Variants in SEL1L3 observed in about 807,000 individuals in gnomAD.
The protein encoded by SEL1L3 is SEL1L family member 3.
Under a neutral mutation model 142.8 loss-of-function variants are expected in SEL1L3, and 76 were observed. The ratio of observed to expected loss-of-function variants is 0.53; its 90% CI spans 0.44 to 0.64. The LOEUF is 0.64. Ranked by LOEUF, SEL1L3 falls within the 30% of genes least tolerant of loss-of-function variation. The pLI, the probability that SEL1L3 is intolerant of heterozygous loss-of-function variation, is 0.00. For missense variants in SEL1L3, 1,262 were observed against 1,381.7 expected (o/e 0.91, Z 1.37); for synonymous variants, 504 against 519.6 (o/e 0.97, Z 0.41).
At chr4:25,777,099 C>A (rs377548901) in intron 16 of SEL1L3, among the ~76,000 whole-genome samples, 6 of 151,566 alleles carry the variant, frequency 4.0e-5, no homozygotes, top group African/African-American at 1.5e-4. Flanking sequence ...CTTACAAGAG[C>A]CATGCATTGA....
chr4:25,843,687 C>T (rs796903852), intron 2 of SEL1L3, among the ~76,000 whole-genome samples: 32 of 152,364 alleles, frequency 2.1e-4, no homozygotes, highest in African/African-American at 5.8e-4. Flanking sequence ...AGCAGTAACA[C>T]GTGCACCGGG....
intron 23 of SEL1L3, among the ~76,000 whole-genome samples, chr4:25,754,226 C>T (rs941900761): frequency 4.6e-5 from 7 of 151,564 alleles, no homozygotes; most frequent in African/African-American, 1.7e-4. Context: ...CACTTGAACC[C>T]AGGAGGTGGA....
chr4:25,758,363 T>C (rs967223742), intron 21 of SEL1L3, among the ~76,000 whole-genome samples: 17 of 152,024 alleles, frequency 1.1e-4, no homozygotes, highest in African/African-American at 4.1e-4. Flanking sequence ...CCCAGCTACT[T>C]AGGAGGCTGA....
At chr4:25,828,396 T>A (rs1377794449) in intron 6 of SEL1L3, among the ~76,000 whole-genome samples, 1 of 151,540 alleles carries the variant, frequency 6.6e-6, no homozygotes, top group Non-Finnish European at 1.5e-5. Context: ...TTTCGTTTTT[T>A]TTTTTTTGTT....
intron 11 of SEL1L3, among the ~76,000 whole-genome samples, chr4:25,798,224 T>TTTG (rs1039108281): frequency 2.0e-5 from 3 of 152,012 alleles, no homozygotes; most frequent in Admixed American, 6.6e-5. Context: ...AGGACTGTAT[T>TTTG]TTGTTGTTGT....
At chr4:25,807,641 A>T (rs4692015) in intron 9 of SEL1L3, among the ~76,000 whole-genome samples, 1,918 of 152,260 alleles carry the variant, frequency 0.013, 47 homozygotes, top group Admixed American at 0.052. Flanking sequence ...GAATTTTGCC[A>T]GAGTACCCGT....
the SEL1L3 span, among the ~76,000 whole-genome samples, chr4:25,741,620 A>G: frequency 6.6e-6 from 1 of 152,006 alleles, no homozygotes; most frequent in East Asian, 1.9e-4. Context: ...CACATTCTAG[A>G]TGTTGATACT....
intron 1 of SEL1L3, among the ~76,000 whole-genome samples, chr4:25,851,681 G>A (rs1716909060): frequency 6.6e-6 from 1 of 152,106 alleles, no homozygotes; most frequent in Non-Finnish European, 1.5e-5. Context: ...ACGAAGTCAA[G>A]AGATCGAGAC....
chr4:25,838,264 CA>C (rs1303642860), intron 2 of SEL1L3, among the ~76,000 whole-genome samples: 1 of 152,108 alleles, frequency 6.6e-6, no homozygotes, highest in Non-Finnish European at 1.5e-5. Context: ...AACAAACAAA[CA>C]AACAAAGACA....
chr4:25,766,788 T>C (rs79084076), intron 19 of SEL1L3, among the ~76,000 whole-genome samples: 10 of 152,274 alleles, frequency 6.6e-5, no homozygotes, highest in African/African-American at 2.4e-4. Context: ...GTAGAAGTAC[T>C]TGGACTTCTT....
intron 6 of SEL1L3, among the ~76,000 whole-genome samples, chr4:25,823,467 T>C (rs1714897359): frequency 6.6e-6 from 1 of 152,026 alleles, no homozygotes; most frequent in South Asian, 2.1e-4. Context: ...TGAGCTGAGA[T>C]TGCGCCACTG....
chr4:25,716,507 T>G, the SEL1L3 span, among the ~76,000 whole-genome samples: 2 of 152,320 alleles, frequency 1.3e-5, no homozygotes, highest in South Asian at 4.1e-4. Context: ...GGGTACATAA[T>G]CTAGAAAACT....
chr4:25,737,698 C>T, the SEL1L3 span, among the ~76,000 whole-genome samples: 2 of 152,178 alleles, frequency 1.3e-5, no homozygotes, highest in Non-Finnish European at 2.9e-5. Context: ...CAATTCTTTG[C>T]ATGCTCAAGT....
intron 9 of SEL1L3, among the ~76,000 whole-genome samples, chr4:25,809,728 G>A (rs1039959640): frequency 2.0e-5 from 3 of 151,862 alleles, no homozygotes; most frequent in African/African-American, 4.8e-5. Context: ...TTTTCTTGGT[G>A]TCTCTGTGTA....
intron 8 of SEL1L3, 140 bp from the exon 9 acceptor site, chr4:25,818,418 T>C (rs1560328220): frequency 1.3e-6 from 1 of 761,954 alleles, no homozygotes; most frequent in East Asian, 3.1e-5. Flanking sequence ...GGATTTGAAA[T>C]TGGCTATGAT....
intron 3 of SEL1L3, 147 bp from the exon 4 acceptor site, chr4:25,833,716 A>C: frequency 1.5e-6 from 1 of 661,672 alleles, no homozygotes; most frequent in South Asian, 2.3e-5. Context: ...CAGCTTGCAA[A>C]GCTTGATTTT....
Position 25,765,246 on chromosome 4 carries a change from G to A in SEL1L3, c.2955+80C>T, listed in dbSNP as rs969774243. ...TGACCTCAAGTGACCCGCCCCCGTC[G>A]GCCTCCCAAAGGGCTGGGATTACAG... On this transcript the variant is annotated intron_variant, in intron 20 of 23. Transcript: ENST00000399878. 2.1e-5 allele frequency: 19 copies of A among 915,428 alleles called. No homozygotes were observed. In the African/African-American group the frequency reaches 2.3e-4, roughly 11 times the overall value. The allele number at this position is 915,428 out of a possible 1,614,324, so 56.7% of individuals were successfully genotyped here. A position where few individuals can be genotyped will look rare whatever the true frequency, so the allele number is the denominator to read the frequency against.
intron 15 of SEL1L3, among the ~76,000 whole-genome samples, 197 bp from the exon 16 acceptor site, chr4:25,779,400 C>T (rs560316777): frequency 2.6e-5 from 4 of 152,324 alleles, no homozygotes; most frequent in African/African-American, 9.6e-5. Flanking sequence ...CTTGCCTCAT[C>T]TATTCTGTTG....
chr4:25,741,332 G>C, the SEL1L3 span, among the ~76,000 whole-genome samples: 109,924 of 151,582 alleles, frequency 0.73, 39,872 homozygotes, highest in East Asian at 0.79. Flanking sequence ...AACTCCTGAC[G>C]TCAAGTAATC....
Sources: allele counts gnomAD v4.1 joint callset (sites outside exome capture counted in the v4.1 genomes callset), GRCh38; gene constraint gnomAD v4.1.1; transcripts MANE v1.5; gene names NCBI Gene and HGNC (gene_info 2026-07-23, HGNC 2026-07-21).